Variants in MAX observed in about 807,000 individuals in gnomAD.
MAX encodes the protein MYC associated transcriptional regulator X.
In MAX, 3 loss-of-function variants were observed where a neutral mutation model predicts 22.3. The ratio of observed to expected loss-of-function variants is 0.13; its 90% CI spans 0.06 to 0.35. The LOEUF is 0.35. MAX is among the 10% of genes least tolerant of loss of function. MAX has a pLI of 1.00. For missense variants in MAX, 119 were observed against 209.4 expected (o/e 0.57, Z 2.66); for synonymous variants, 72 against 77.7 (o/e 0.93, Z 0.39).
chr14:65,046,930 C>T (rs991457073), intron 3 of MAX, among the ~76,000 whole-genome samples: 17 of 151,822 alleles, frequency 1.1e-4, no homozygotes, highest in African/African-American at 3.9e-4. Flanking sequence ...AGTTATTTTA[C>T]AGAAACAGGG....
intron 3 of MAX, among the ~76,000 whole-genome samples, chr14:65,086,016 T>C (rs993616730): frequency 1.3e-5 from 2 of 152,178 alleles, no homozygotes; most frequent in East Asian, 3.9e-4. Flanking sequence ...CTTTCCCATG[T>C]TGTTCTTGTG....
In MAX at chr14:65,082,159, G is replaced by T. The variant is rs1204195208; in HGVS notation, c.172-4123C>A. 1 of 152,162 alleles carries T rather than the reference G, an allele frequency of 6.6e-6. No individual in the cohort carries two copies. The highest frequency in any genetic ancestry group is 1.5e-5 in the Non-Finnish European group (1 of 68,024). The allele number at this position is 152,162 out of a possible 1,614,324, so 9.4% of individuals were successfully genotyped here. ...GTAAACTAATAGGAAGTTGAGTCAG[G>T]ATTTGAATCCAAGCCTCCAGGACAC... On this transcript the variant is annotated intron_variant, in intron 3 of 4. Transcript: ENST00000358664. The surrounding 1 kb of genome is among the most constrained non-coding windows in gnomAD (Gnocchi z 4.8).
chr14:65,076,584 G>A lies in MAX; in HGVS notation c.375C>T (p.Asn125=), dbSNP rs370238588. 58 of 1,614,146 alleles carry A rather than the reference G, an allele frequency of 3.6e-5. No homozygotes were observed. Among genetic ancestry groups the A allele is most frequent in the South Asian group, 3.2e-4 (29 of 91,080 alleles). The change falls in exon 5 of 5, where the codon AAC becomes AAT. Residue 125 remains asparagine, a synonymous_variant. Coordinates refer to ENST00000358664, the MANE Select transcript of MAX (RefSeq NM_002382.5). The surrounding 1 kb of genome is among the most constrained non-coding windows in gnomAD (Gnocchi z 6.6). The stretch of plus-strand genomic sequence containing the variant: ...AGGCAGAGATGGTGCTGCCCTTGGC[G>A]TTGGTGTAGAGGCTGTTGTCTGAGG... ...YPSSDNSLYT[N]AKGSTISAFD...
In MAX at chr14:65,054,583, A is replaced by G. The variant is rs1419817456; in HGVS notation, c.171+39125T>C. 6.2e-7 allele frequency: 1 copy of G among 1,613,002 alleles called. No homozygotes were observed. Among genetic ancestry groups the G allele is most frequent in the African/African-American group, 1.3e-5 (1 of 74,852 alleles). On this transcript the variant is annotated intron_variant, in intron 3 of 3. Transcript: ENST00000341653. This position sits in a 1 kb window ranked among gnomAD's most constrained non-coding sequence, Gnocchi z 4.4. The stretch of plus-strand genomic sequence containing the variant: ...GCTGCCTGTCCTTACAGGTCGCGTG[A>G]TTTCTACCACACCTGCTACTGCCTG...
Position 65,077,849 on chromosome 14 carries a change from G to C in MAX, c.295+64C>G. 2.5e-6 allele frequency: 4 copies of C among 1,614,192 alleles called. No individual in the cohort carries two copies. Among genetic ancestry groups the C allele is most frequent in the African/African-American group, 2.7e-5 (2 of 75,060 alleles). ...ACTGGCTCTGACTCTGCAGGCCCAG[G>C]TGCCAAAGCCTGACCTGGCTGGAGC... On this transcript the variant is annotated intron_variant, in intron 4 of 4. Coordinates refer to ENST00000358664, the MANE Select transcript of MAX (RefSeq NM_002382.5). The surrounding 1 kb of genome is among the most constrained non-coding windows in gnomAD (Gnocchi z 6.3).
chr14:65,060,465 G>C (rs2062836547), intron 3 of MAX, among the ~76,000 whole-genome samples: 1 of 104,274 alleles, frequency 9.6e-6, no homozygotes, highest in Admixed American at 8.3e-5. Context: ...GGGAGGCCGA[G>C]GCGGGCGGAT....
At position 65,012,065 on chromosome 14, in the gene MAX, C is replaced by T. The variant is rs142404723; in HGVS notation, c.172-5781G>A. 710 of 442,376 alleles carry T rather than the reference C, an allele frequency of 1.6e-3. 6 individuals are homozygous for T. The highest frequency in any genetic ancestry group is 0.012 in the African/African-American group (623 of 50,192). The allele number at this position is 442,376 out of a possible 1,614,324, so 27.4% of individuals were successfully genotyped here. A position where few individuals can be genotyped will look rare whatever the true frequency, so the allele number is the denominator to read the frequency against. ...TTTTCCGTTAGCCCAAAGTCACTGC[C>T]TTTAGGAGACAATCGCACTCTAAAT... On this transcript the variant is annotated intron_variant, in intron 3 of 3. Transcript: ENST00000341653. The surrounding 1 kb of genome is among the most constrained non-coding windows in gnomAD (Gnocchi z 5.0).
chr14:65,022,602 A>C (rs2061909553), intron 3 of MAX, among the ~76,000 whole-genome samples: 1 of 152,110 alleles, frequency 6.6e-6, no homozygotes, highest in African/African-American at 2.4e-5. Context: ...CTTGGCCTTA[A>C]GTGATCCTCC....
chr14:65,054,663 G>A lies in MAX; in HGVS notation c.171+39045C>T, dbSNP rs762695149. 8 of 1,612,738 alleles carry A rather than the reference G, an allele frequency of 5.0e-6. No individual in the cohort carries two copies. Among genetic ancestry groups the A allele is most frequent in the Middle Eastern group, 1.6e-4 (1 of 6,082 alleles). On this transcript the variant is annotated intron_variant, in intron 3 of 3. Coordinates refer to the MAX transcript ENST00000341653. The surrounding 1 kb of genome is among the most constrained non-coding windows in gnomAD (Gnocchi z 4.4). ...CAGCGGAGCCATGTTGCATGATGTG[G>A]TCCTGGGTGTGCCCGAAAACGCTCT...
In MAX at chr14:65,029,027, A is replaced by G. The variant is rs1259345577; in HGVS notation, c.172-22743T>C. On this transcript the variant is annotated intron_variant, in intron 3 of 3. Coordinates refer to the MAX transcript ENST00000341653. This position sits in a 1 kb window ranked among gnomAD's most constrained non-coding sequence, Gnocchi z 4.7. ...TCATTCCAGCACTTTTTTTTTCCCT[A>G]TGCTCTTTATTTATATGTTCTAGAT... is the stretch of plus-strand genomic sequence containing the variant. 3.3e-5 allele frequency among the ~76,000 whole-genome samples: 5 copies of G among 151,268 alleles called. No homozygotes were observed.
At chr14:65,081,112 C>T (rs930199728) in intron 3 of MAX, among the ~76,000 whole-genome samples, 17 of 152,162 alleles carry the variant, frequency 1.1e-4, no homozygotes, top group African/African-American at 3.1e-4. Flanking sequence ...AAACTCAGAA[C>T]GAGGCCTTCA....
At chr14:65,071,097 A>G (rs1205154044), downstream of MAX, among the ~76,000 whole-genome samples, 4 of 152,154 alleles carry the variant, frequency 2.6e-5, no homozygotes, top group Non-Finnish European at 5.9e-5. This position sits in a 1 kb window ranked among gnomAD's most constrained non-coding sequence, Gnocchi z 4.2. Flanking sequence ...GGATTTTAAT[A>G]TACTAAACTC....
chr14:65,015,108 CTT>C (rs113319981), intron 3 of MAX, among the ~76,000 whole-genome samples: 1 of 144,284 alleles, frequency 6.9e-6, no homozygotes, highest in Admixed American at 6.9e-5. Context: ...TCTTTTCTTT[CTT>C]TTTTTTTTTT....
rs542662696 is a variant in MAX, at chr14:65,079,190, C to T, written c.172-1154G>A. Among the ~76,000 whole-genome samples, 1 of 152,360 alleles carries T rather than the reference C, an allele frequency of 6.6e-6. No homozygotes were observed. The highest frequency in any genetic ancestry group is 2.4e-5 in the African/African-American group (1 of 41,576). ...CAAGACCCAAGATTCCAGCCAAACT[C>T]TGAAACCACTGTTAACTATTCCGAA... is the stretch of plus-strand genomic sequence containing the variant. On this transcript the variant is annotated intron_variant, in intron 3 of 4. Transcript: ENST00000358664. This position sits in a 1 kb window ranked among gnomAD's most constrained non-coding sequence, Gnocchi z 4.5.
At chr14:65,074,889 C>G (rs1290985364), downstream of MAX, among the ~76,000 whole-genome samples, 2 of 152,190 alleles carry the variant, frequency 1.3e-5, no homozygotes, top group African/African-American at 4.8e-5. Context: ...AAGGCTACAT[C>G]CCTGTTGAAC....
In MAX at chr14:65,084,384, G is replaced by T; in HGVS notation, c.172-6348C>A. The T allele has an allele frequency of 2.3e-6, 2 of 858,682 alleles. No individual in the cohort carries two copies. The highest frequency in any genetic ancestry group is 1.9e-6 in the Non-Finnish European group (1 of 525,248). The allele number at this position is 858,682 out of a possible 1,614,324, so 53.2% of individuals were successfully genotyped here. A position where few individuals can be genotyped will look rare whatever the true frequency, so the allele number is the denominator to read the frequency against. On this transcript the variant is annotated intron_variant, in intron 3 of 4. Transcript: ENST00000358664. The surrounding 1 kb of genome is among the most constrained non-coding windows in gnomAD (Gnocchi z 4.3). ...TTACTAACTTTTGTTTACTGAATTA[G>T]TTACCCTCTTCCAAAAAAAAAAATT...
Position 65,032,786 on chromosome 14 carries a change from G to A in MAX, c.172-26502C>T. On this transcript the variant is annotated intron_variant, in intron 3 of 3. Coordinates refer to the MAX transcript ENST00000341653. The surrounding 1 kb of genome is among the most constrained non-coding windows in gnomAD (Gnocchi z 5.0). The stretch of plus-strand genomic sequence containing the variant: ...AAATAAAGAAAATGCAGAGGGACTT[G>A]GAAGGAAATACAAAAATCACAGGAG... 7.9e-7 allele frequency: 1 copy of A among 1,269,076 alleles called. No homozygotes were observed. Among genetic ancestry groups the A allele is most frequent in the Non-Finnish European group, 1.1e-6 (1 of 931,614 alleles). 78.6% of individuals were successfully genotyped at this position (1,269,076 alleles called of 1,614,324 possible).
chr14:65,035,753 T>G (rs1566560804), intron 3 of MAX, among the ~76,000 whole-genome samples: 1 of 151,956 alleles, frequency 6.6e-6, no homozygotes, highest in Non-Finnish European at 1.5e-5. Context: ...AGGTGGGGCT[T>G]GAACTCCTGG....
chr14:65,037,417 T>C (rs2062223435), intron 3 of MAX, among the ~76,000 whole-genome samples: 8 of 95,710 alleles, frequency 8.4e-5, no homozygotes, highest in Admixed American at 1.2e-4. Flanking sequence ...TTTTTTTTTT[T>C]TTTTTTTTTT....
Sources: allele counts gnomAD v4.1 joint callset (sites outside exome capture counted in the v4.1 genomes callset), GRCh38; gene constraint gnomAD v4.1.1; non-coding constraint Gnocchi (gnomAD v3.1); transcripts MANE v1.5; gene names NCBI Gene and HGNC (gene_info 2026-07-23, HGNC 2026-07-21).